Variants in NOL4 observed in about 807,000 individuals in gnomAD.
NOL4 encodes cancer/testis antigen 125.
Under a neutral mutation model 75.9 loss-of-function variants are expected in NOL4, and 17 were observed. The observed-to-expected ratio is 0.22, with a 90% CI of 0.15 to 0.34. NOL4 has a LOEUF of 0.34. Among genes scored for constraint, NOL4 ranks in the 10% least tolerant of loss-of-function variants. The pLI is 1.00. For synonymous variants in NOL4, 292 were observed against 289.9 expected, an observed-to-expected ratio of 1.01 and a Z score of -0.07; for missense variants, 614 against 793.5, an observed-to-expected ratio of 0.77 and a Z score of 2.72.
At chr18:33,929,926 T>C (rs1243105790) in intron 9 of NOL4, among the ~76,000 whole-genome samples, 1 of 152,094 alleles carries the variant, frequency 6.6e-6, no homozygotes, top group African/African-American at 2.4e-5. Flanking sequence ...GAACTCAAAT[T>C]AGAATTCATT....
chr18:34,012,807 T>C (rs1176018471), intron 6 of NOL4, among the ~76,000 whole-genome samples: 1 of 152,004 alleles, frequency 6.6e-6, no homozygotes, highest in Non-Finnish European at 1.5e-5. Flanking sequence ...TTGCAAGTAT[T>C]TGCTATTTAT....
rs144217273 is a variant in NOL4 at position 34,067,805 on chromosome 18, TA to T, written c.772+25659del. Among the ~76,000 whole-genome samples, 856 of 152,256 alleles carry T rather than the reference TA, an allele frequency of 5.6e-3. 3 individuals are homozygous for T. The highest frequency in any genetic ancestry group is 9.3e-3 in the Non-Finnish European group (634 of 68,016). ...AGATAAGCTCAGTTTGGGATGTGTT[TA>T]TTTTTTTTAATTTTGTGCCTGAATG... On this transcript the variant is annotated intron_variant, in intron 5 of 10. Transcript: ENST00000261592.
chr18:33,981,914 G>C (rs975024858), intron 6 of NOL4, among the ~76,000 whole-genome samples: 12 of 151,968 alleles, frequency 7.9e-5, no homozygotes, highest in South Asian at 2.1e-4. Flanking sequence ...AGTGAGGGAA[G>C]AATTAGGAGT....
chr18:34,177,270 G>T lies in NOL4; in HGVS notation c.264+45720C>A, dbSNP rs116479304. Reference sequence around the variant, plus strand: ...AGAGTAGTGCTTGCCTAAAGATAGGGATAGATGGGTCATGGAGAGGCAGGA... The same window carrying T: ...AGAGTAGTGCTTGCCTAAAGATAGGTATAGATGGGTCATGGAGAGGCAGGA... On this transcript the variant is annotated intron_variant, in intron 1 of 10. Transcript: ENST00000261592. Among the ~76,000 whole-genome samples, 996 of 152,028 alleles carry T rather than the reference G, an allele frequency of 6.6e-3. 18 individuals are homozygous for T. Among genetic ancestry groups the T allele is most frequent in the African/African-American group, 0.023 (951 of 41,494 alleles).
intron 6 of NOL4, among the ~76,000 whole-genome samples, chr18:33,993,526 G>T (rs998207499): frequency 6.6e-6 from 1 of 151,838 alleles, no homozygotes; most frequent in Non-Finnish European, 1.5e-5. Context: ...TATTTAAAAT[G>T]GGAAGTTTCC....
At chr18:33,936,178 G>A (rs1015510920) in intron 9 of NOL4, among the ~76,000 whole-genome samples, 1 of 151,928 alleles carries the variant, frequency 6.6e-6, no homozygotes, top group Non-Finnish European at 1.5e-5. Flanking sequence ...TATTAAAATT[G>A]CCCCCACGCT....
chr18:34,172,054 G>A (rs2033097855), intron 1 of NOL4, among the ~76,000 whole-genome samples: 1 of 152,068 alleles, frequency 6.6e-6, no homozygotes, highest in African/African-American at 2.4e-5. Context: ...GACTTAACTT[G>A]TAGTTCTGGA....
chr18:34,121,114 A>T (rs1282509880), intron 2 of NOL4: 1 of 152,240 alleles, frequency 6.6e-6, no homozygotes, highest in Admixed American at 6.5e-5. Context: ...ATACATGTTC[A>T]CTATTCATAA....
chr18:33,941,593 C>T (rs943063064), intron 9 of NOL4, among the ~76,000 whole-genome samples: 2 of 151,886 alleles, frequency 1.3e-5, no homozygotes, highest in Non-Finnish European at 2.9e-5. Context: ...TTGATGCTTA[C>T]TATGCACCAG....
At chr18:34,064,459 G>C (rs1253858887) in intron 5 of NOL4, among the ~76,000 whole-genome samples, 1 of 151,896 alleles carries the variant, frequency 6.6e-6, no homozygotes, top group East Asian at 1.9e-4. Context: ...CCTCCATTCA[G>C]AAGTTCGTCT....
At chr18:33,893,287 A>G (rs994478048) in intron 9 of NOL4, among the ~76,000 whole-genome samples, 3 of 152,174 alleles carry the variant, frequency 2.0e-5, no homozygotes, top group African/African-American at 4.8e-5. Context: ...TTAGAAGAGT[A>G]CAGATGGCCT....
intron 9 of NOL4, among the ~76,000 whole-genome samples, chr18:33,921,227 A>G (rs184451753): frequency 1.4e-3 from 208 of 152,262 alleles, no homozygotes; most frequent in African/African-American, 4.9e-3. Flanking sequence ...CACTGGATTG[A>G]GATGATTTAA....
intron 10 of NOL4, among the ~76,000 whole-genome samples, chr18:33,878,855 A>G (rs2064087298): frequency 6.6e-6 from 1 of 152,070 alleles, no homozygotes; most frequent in South Asian, 2.1e-4. Context: ...GTCTACTTTG[A>G]CCCGTGCTGA....
chr18:34,157,101 T>C (rs963152963), intron 1 of NOL4: 5 of 152,214 alleles, frequency 3.3e-5, no homozygotes, highest in Non-Finnish European at 5.9e-5. Flanking sequence ...GTTTAACACA[T>C]AAAACTTTTT....
At chr18:33,914,761 A>C (rs1221224702) in intron 9 of NOL4, among the ~76,000 whole-genome samples, 5 of 152,096 alleles carry the variant, frequency 3.3e-5, no homozygotes, top group Non-Finnish European at 7.4e-5. Flanking sequence ...GCCAACTGTA[A>C]GAATGAAGGA....
chr18:34,178,383 G>A (rs906409219), intron 1 of NOL4, among the ~76,000 whole-genome samples: 9 of 151,542 alleles, frequency 5.9e-5, no homozygotes, highest in African/African-American at 2.2e-4. Context: ...ATAGAAGCAG[G>A]TTATTTTGTA....
intron 10 of NOL4, among the ~76,000 whole-genome samples, chr18:33,860,306 C>T (rs2063048058): frequency 6.6e-6 from 1 of 152,082 alleles, no homozygotes; most frequent in African/African-American, 2.4e-5. Flanking sequence ...CCAAATCTCA[C>T]ATCCTTTTTA....
chr18:34,049,596 C>G (rs558766948), intron 5 of NOL4, among the ~76,000 whole-genome samples: 16 of 152,162 alleles, frequency 1.1e-4, no homozygotes, highest in Admixed American at 7.2e-4. Flanking sequence ...CTCAATCACT[C>G]TGATTCAGGT....
At position 33,943,191 on chromosome 18, in the gene NOL4, A is replaced by AG. The variant is rs757012317; in HGVS notation, c.1429-14dup. ...GAATAGGTCGAGACTAAAAAAAAAA[A>AG]GAGAAAAGTATGAAAAAAATTATTA... is the stretch of plus-strand genomic sequence containing the variant. On this transcript the variant is annotated splice_polypyrimidine_tract_variant and intron_variant, in intron 8 of 10. Transcript: ENST00000261592. 32 of 1,551,184 alleles carry AG rather than the reference A, an allele frequency of 2.1e-5. No individual in the cohort carries two copies. Among genetic ancestry groups the AG allele is most frequent in the Admixed American group, 1.0e-4 (6 of 58,410 alleles).
Sources: gnomAD v4.1 joint callset for allele counts (sites outside exome capture counted in the v4.1 genomes callset) on GRCh38, gnomAD v4.1.1 for gene constraint, MANE v1.5 for transcripts, NCBI Gene and HGNC (gene_info 2026-07-23, HGNC 2026-07-21) for gene names.